Variants in VAV3 observed in about 807,000 individuals in gnomAD.
VAV3 encodes the protein guanine nucleotide exchange factor VAV3.
In VAV3, 94 loss-of-function variants were observed where a neutral mutation model predicts 131.2. The observed-to-expected ratio is 0.72, with a 90% CI of 0.61 to 0.85. VAV3 has a LOEUF of 0.85. Among genes scored for constraint, VAV3 ranks in the 40% least tolerant of loss-of-function variants. The pLI is 0.00. For synonymous variants in VAV3, 349 were observed against 342.0 expected, an observed-to-expected ratio of 1.02 and a Z score of -0.22; for missense variants, 939 against 1,002.7, an observed-to-expected ratio of 0.94 and a Z score of 0.86.
intron 12 of VAV3, among the ~76,000 whole-genome samples, chr1:107,751,599 G>C (rs12037244): frequency 0.34 from 52,102 of 151,626 alleles, 9,633 homozygotes; most frequent in South Asian, 0.65. Flanking sequence ...AGCACACTGC[G>C]CAGTGGAGGA....
At position 107,938,872 on chromosome 1, in the gene VAV3, A is replaced by G. The variant is rs190940053; in HGVS notation, c.204+25794T>C. ...GGGATGTGTAAATAGACCATAACCT[A>G]CTCTTGTACCAATCACAGAGTTTCA... On this transcript the variant is annotated intron_variant, in intron 1 of 26. Transcript: ENST00000370056. Among the ~76,000 whole-genome samples, 181 of 152,244 alleles carry G rather than the reference A, an allele frequency of 1.2e-3. 4 individuals are homozygous for G. Among genetic ancestry groups the G allele is most frequent in the Middle Eastern group, 6.8e-3 (2 of 294 alleles).
intron 1 of VAV3, among the ~76,000 whole-genome samples, chr1:107,947,040 G>A (rs1442233428): frequency 6.6e-6 from 1 of 152,194 alleles, no homozygotes; most frequent in East Asian, 1.9e-4. Context: ...GCCTGCCCTA[G>A]ATCATCCAGC....
chr1:107,665,043 C>T (rs1047626760), intron 19 of VAV3, among the ~76,000 whole-genome samples: 4 of 152,126 alleles, frequency 2.6e-5, no homozygotes, highest in African/African-American at 9.7e-5. Context: ...ATACTGTAGA[C>T]TGGTTCTGAG....
chr1:107,585,145 T>G (rs950223794), intron 25 of VAV3, among the ~76,000 whole-genome samples: 1 of 152,194 alleles, frequency 6.6e-6, no homozygotes, highest in African/African-American at 2.4e-5. Context: ...AACTCCCAGT[T>G]GCTCAGAGCA....
chr1:107,661,624 TA>T (rs910375577), intron 19 of VAV3, among the ~76,000 whole-genome samples: 1 of 152,208 alleles, frequency 6.6e-6, no homozygotes, highest in Non-Finnish European at 1.5e-5. Flanking sequence ...AATCTCTCAA[TA>T]AAAGTTTGTT....
In VAV3 at chr1:107,633,550, T is replaced by C. The variant is rs151294114; in HGVS notation, c.1914+9069A>G. 4.1e-3 allele frequency among the ~76,000 whole-genome samples: 622 copies of C among 152,314 alleles called. 3 individuals carry two copies. Among genetic ancestry groups the C allele is most frequent in the African/African-American group, 0.014 (593 of 41,566 alleles). ...ATGCGGCTTCAAAATGTTTTCTGTCTGTGGCACACTGTTATTTTGGTATCC... is the reference window on the plus strand; with the variant it reads ...ATGCGGCTTCAAAATGTTTTCTGTCCGTGGCACACTGTTATTTTGGTATCC... On this transcript the variant is annotated intron_variant, in intron 20 of 26. Transcript: ENST00000370056.
At chr1:107,755,624 TA>T in intron 11 of VAV3, 111 bp from the exon 12 acceptor site, 1 of 729,146 alleles carries the variant, frequency 1.4e-6, no homozygotes, top group Non-Finnish European at 2.2e-6. Context: ...GTAACCACTG[TA>T]ACTTTTCAAA....
intron 11 of VAV3, 37 bp from the exon 12 acceptor site, chr1:107,755,550 A>G (rs994265218): frequency 6.7e-7 from 1 of 1,492,484 alleles, no homozygotes; most frequent in African/African-American, 1.4e-5. Flanking sequence ...AAGAAGGCAC[A>G]CTAAGATTAG....
At chr1:107,602,569 A>G in intron 23 of VAV3, 85 bp from the exon 24 acceptor site, 1 of 1,053,182 alleles carries the variant, frequency 9.5e-7, no homozygotes, top group South Asian at 1.6e-5. Context: ...CCCCAATAAC[A>G]TTTTAGGAAT....
chr1:107,834,784 A>C (rs904838367), intron 2 of VAV3, among the ~76,000 whole-genome samples: 1 of 152,088 alleles, frequency 6.6e-6, no homozygotes, highest in African/African-American at 2.4e-5. Flanking sequence ...GGAACTCTGC[A>C]TGGGGTTGCT....
chr1:107,723,118 A>G (rs1661602180), intron 15 of VAV3, among the ~76,000 whole-genome samples: 1 of 152,104 alleles, frequency 6.6e-6, no homozygotes. Context: ...ACATCCTCTT[A>G]TTTGTATTTT....
At chr1:107,804,771 T>G (rs887195614) in intron 2 of VAV3, among the ~76,000 whole-genome samples, 6 of 151,716 alleles carry the variant, frequency 4.0e-5, no homozygotes, top group African/African-American at 7.3e-5. Flanking sequence ...GTTTTTTTTG[T>G]TTGTTTGTTT....
intron 19 of VAV3, among the ~76,000 whole-genome samples, chr1:107,665,468 A>G (rs774473895): frequency 6.6e-6 from 1 of 152,204 alleles, no homozygotes; most frequent in Non-Finnish European, 1.5e-5. Context: ...TCCTTGGTAC[A>G]GCACTGCTAA....
At chr1:107,779,191 C>T (rs1286940876) in intron 3 of VAV3, among the ~76,000 whole-genome samples, 1 of 151,088 alleles carries the variant, frequency 6.6e-6, no homozygotes, top group Non-Finnish European at 1.5e-5. Context: ...AAAGAAGAAC[C>T]ACACCAGTGA....
chr1:107,942,049 G>C (rs1476089740), intron 1 of VAV3, among the ~76,000 whole-genome samples: 1 of 152,044 alleles, frequency 6.6e-6, no homozygotes, highest in Non-Finnish European at 1.5e-5. Context: ...AAAAAACTTT[G>C]AGAATGTTCC....
At chr1:107,712,035 T>C (rs1660818687) in intron 15 of VAV3, among the ~76,000 whole-genome samples, 1 of 151,964 alleles carries the variant, frequency 6.6e-6, no homozygotes, top group Non-Finnish European at 1.5e-5. Context: ...AATAAGAAAA[T>C]GGAATATTTT....
chr1:107,851,790 T>A (rs1265467769), intron 2 of VAV3, among the ~76,000 whole-genome samples: 1 of 152,232 alleles, frequency 6.6e-6, no homozygotes, highest in Non-Finnish European at 1.5e-5. Context: ...AGCAAATATA[T>A]GAATCTACCC....
intron 1 of VAV3, among the ~76,000 whole-genome samples, chr1:107,902,891 C>A (rs1671932755): frequency 6.6e-6 from 1 of 152,142 alleles, no homozygotes; most frequent in Non-Finnish European, 1.5e-5. Flanking sequence ...CTAATAATTT[C>A]CCAGCCATGG....
At chr1:107,608,517 T>C (rs916915248) in intron 22 of VAV3, among the ~76,000 whole-genome samples, 2 of 152,194 alleles carry the variant, frequency 1.3e-5, no homozygotes, top group Non-Finnish European at 2.9e-5. Context: ...GACTTCAAAT[T>C]GTCTTCAATC....
Sources: allele counts gnomAD v4.1 joint callset (sites outside exome capture counted in the v4.1 genomes callset), GRCh38; gene constraint gnomAD v4.1.1; transcripts MANE v1.5; gene names NCBI Gene and HGNC (gene_info 2026-07-23, HGNC 2026-07-21).